DACH2: variants seen among roughly 807,000 people sequenced by gnomAD.
DACH2 encodes dachshund homolog 2.
DACH2 carries 17 observed loss-of-function variants against 35.8 expected under a neutral mutation model. The ratio of observed to expected loss-of-function variants is 0.48; its 90% CI spans 0.33 to 0.71. DACH2 has a LOEUF of 0.71. DACH2 is among the 30% of genes least tolerant of loss of function. DACH2 has a pLI of 0.02. For missense variants in DACH2, 469 were observed against 472.7 expected, an observed-to-expected ratio of 0.99 and a Z score of 0.07; for synonymous variants, 195 against 177.3, an observed-to-expected ratio of 1.10 and a Z score of -0.79.
intron 1 of DACH2, among the ~76,000 whole-genome samples, chrX:86,284,179 A>T (rs776964318): frequency 1.5e-4 from 17 of 111,702 alleles, no homozygotes; most frequent in Non-Finnish European, 2.8e-4. Context: ...CATGTTCCAG[A>T]TCTTAAAGGA....
intron 7 of DACH2, among the ~76,000 whole-genome samples, chrX:86,749,796 G>T (rs1047003400): frequency 1.8e-5 from 2 of 111,444 alleles, no homozygotes; most frequent in African/African-American, 3.3e-5. Flanking sequence ...AAAGTGCAAA[G>T]AACAGGGTAT....
At chrX:86,664,450 G>T (rs1366475380) in intron 4 of DACH2, among the ~76,000 whole-genome samples, 4 of 111,443 alleles carry the variant, frequency 3.6e-5, no homozygotes, top group South Asian at 7.5e-4. Context: ...AAGTTTGATT[G>T]TTGTTCTACC....
At chrX:86,829,314 T>A (rs986126400) in intron 11 of DACH2, 2 of 111,788 alleles carry the variant, frequency 1.8e-5, no homozygotes, top group African/African-American at 3.2e-5. Flanking sequence ...ATATCAAATA[T>A]CTGAAATAAA....
At chrX:86,411,753 C>T (rs186399656) in intron 2 of DACH2, among the ~76,000 whole-genome samples, 11 of 111,200 alleles carry the variant, frequency 9.9e-5, no homozygotes, top group Admixed American at 5.7e-4. Flanking sequence ...AATTACAGTC[C>T]CCGTTTCTGC....
chrX:86,653,839 G>A (rs1486544735), intron 4 of DACH2, among the ~76,000 whole-genome samples: 1 of 108,746 alleles, frequency 9.2e-6, no homozygotes, highest in African/African-American at 3.4e-5. Flanking sequence ...GCTAATTTGT[G>A]TACTTTTAGT....
intron 3 of DACH2, among the ~76,000 whole-genome samples, chrX:86,637,454 G>T (rs1219121951): frequency 9.1e-6 from 1 of 110,324 alleles, no homozygotes; most frequent in African/African-American, 3.3e-5. Flanking sequence ...ATTCACAATG[G>T]TAGAGACACA....
chrX:86,420,719 T>C (rs532783958), intron 2 of DACH2, among the ~76,000 whole-genome samples: 16 of 111,679 alleles, frequency 1.4e-4, no homozygotes, highest in African/African-American at 5.2e-4. Flanking sequence ...ATACTTCATT[T>C]ACTTTTATGT....
At chrX:86,828,277 G>T (rs2042580711) in intron 11 of DACH2, 1 of 114,144 alleles carries the variant, frequency 8.8e-6, no homozygotes, top group Non-Finnish European at 1.8e-5. Context: ...ATCGATATTT[G>T]TTATCACTGC....
intron 7 of DACH2, among the ~76,000 whole-genome samples, chrX:86,802,596 C>T (rs1204749069): frequency 1.9e-5 from 2 of 106,800 alleles, no homozygotes; most frequent in Middle Eastern, 8.8e-3. Flanking sequence ...GAGAAATCCG[C>T]TTTGCAGCCT....
intron 7 of DACH2, among the ~76,000 whole-genome samples, chrX:86,765,697 G>GTTT (rs2041925172): frequency 9.4e-4 from 33 of 35,176 alleles, no homozygotes; most frequent in East Asian, 3.0e-3. Context: ...GTTGTTTTTT[G>GTTT]GTTTTTTTTT....
chrX:86,568,252 C>T (rs1207684548), intron 3 of DACH2, among the ~76,000 whole-genome samples: 1 of 111,190 alleles, frequency 9.0e-6, no homozygotes, highest in Non-Finnish European at 1.9e-5. Context: ...ATAGAATATA[C>T]AGCACTGACA....
chrX:86,728,138 T>C (rs1237390002), intron 6 of DACH2, among the ~76,000 whole-genome samples: 1 of 112,121 alleles, frequency 8.9e-6, no homozygotes, highest in Non-Finnish European at 1.9e-5. Flanking sequence ...GGAATTTATT[T>C]GGAACTGGAG....
rs188656992 is a variant in DACH2 at position 86,493,548 on chromosome X, A to G, written c.528-20731A>G. On this transcript the variant is annotated intron_variant, in intron 2 of 11. Transcript: ENST00000373125. ...GACTATGTACCAGGCACTACTCTGA[A>G]GGCATATTTTCTCTCTCTCATGTAT... Among the ~76,000 whole-genome samples the G allele has an allele frequency of 4.7e-4, 53 of 111,715 alleles. 1 individual carries two copies. The East Asian group carries it at 0.014, about 30-fold the overall frequency.
At chrX:86,254,372 T>A (rs998228824) in intron 1 of DACH2, among the ~76,000 whole-genome samples, 1 of 111,156 alleles carries the variant, frequency 9.0e-6, no homozygotes, top group Non-Finnish European at 1.9e-5. Context: ...TTTCTTTTTC[T>A]TGTTTGTTAC....
At chrX:86,666,898 A>G (rs188673211) in intron 4 of DACH2, among the ~76,000 whole-genome samples, 1 of 110,171 alleles carries the variant, frequency 9.1e-6, no homozygotes, top group African/African-American at 3.3e-5. Flanking sequence ...TCCTTCATAC[A>G]TGTTAGAAAA....
intron 1 of DACH2, among the ~76,000 whole-genome samples, chrX:86,338,600 C>A (rs1208601911): frequency 9.0e-6 from 1 of 111,503 alleles, no homozygotes; most frequent in Admixed American, 9.6e-5. Context: ...CATTAAATGC[C>A]CACAATTGAA....
intron 1 of DACH2, among the ~76,000 whole-genome samples, chrX:86,340,891 C>T (rs897607367): frequency 3.6e-5 from 4 of 111,902 alleles, no homozygotes; most frequent in Admixed American, 9.5e-5. Flanking sequence ...AAGGCCCTAC[C>T]GGTCTTCAAT....
At chrX:86,586,253 T>C (rs963771205) in intron 3 of DACH2, among the ~76,000 whole-genome samples, 1 of 111,641 alleles carries the variant, frequency 9.0e-6, no homozygotes, top group Admixed American at 9.5e-5. Flanking sequence ...CACTTTTTAA[T>C]GGGGTTGTTT....
intron 2 of DACH2, among the ~76,000 whole-genome samples, chrX:86,397,805 A>C (rs981655864): frequency 1.2e-4 from 13 of 111,864 alleles, no homozygotes; most frequent in African/African-American, 4.2e-4. Flanking sequence ...TATTATATTG[A>C]GGATTTTTGC....
Sources: gnomAD v4.1 joint callset for allele counts (sites outside exome capture counted in the v4.1 genomes callset) on GRCh38, gnomAD v4.1.1 for gene constraint, MANE v1.5 for transcripts, NCBI Gene and HGNC (gene_info 2026-07-23, HGNC 2026-07-21) for gene names.